The following PAPLN variants were observed in gnomAD, a reference collection of about 807,000 sequenced individuals.
PAPLN encodes papilin.
In PAPLN, 146 loss-of-function variants were observed where a neutral mutation model predicts 159.0. The observed-to-expected ratio is 0.92, with a 90% CI of 0.80 to 1.05. The LOEUF (loss-of-function observed/expected upper bound fraction) is 1.05. Among genes scored for constraint, PAPLN ranks in the 50% least tolerant of loss-of-function variants. PAPLN has a pLI of 0.00. For synonymous variants in PAPLN, 734 were observed against 702.9 expected (o/e 1.04, Z -0.70); for missense variants, 1,720 against 1,743.9 (o/e 0.99, Z 0.24).
rs17126331 is a variant in PAPLN, at chr14:73,252,747, A to G, written c.1066A>G (p.Asn356Asp). 6.2e-7 allele frequency: 1 copy of G among 1,613,510 alleles called. No homozygotes were observed. The highest frequency in any genetic ancestry group is 1.7e-4 in the Middle Eastern group (1 of 6,060). Residue 356 changes from asparagine (N) to aspartate (D), a missense_variant, in exon 11 of 27, where the codon AAT (asparagine) becomes GAT (aspartate). Asn to Asp is a conservative substitution (Grantham distance 23, BLOSUM62 1). Transcript: ENST00000644200. ...QPRPADRRSC[N>D]LHPCPETKRW... Reference sequence around the variant, plus strand: ...ACGGCCAGCTGACCGGCGTTCCTGCAATCTTCACCCTTGCCCGGAGACCAA... The same window carrying G: ...ACGGCCAGCTGACCGGCGTTCCTGCGATCTTCACCCTTGCCCGGAGACCAA...
In PAPLN at chr14:73,252,765, G is replaced by A. The variant is rs760268415; in HGVS notation, c.1084G>A (p.Glu362Lys). 1 of 1,613,436 alleles carries A rather than the reference G, an allele frequency of 6.2e-7. No homozygotes were observed. Among genetic ancestry groups the A allele is most frequent in the Non-Finnish European group, 8.5e-7 (1 of 1,179,998 alleles). ...TTCCTGCAATCTTCACCCTTGCCCGGAGACCAAGCGGTGAGACCTTGCCAG... is the reference window on the plus strand; with the variant it reads ...TTCCTGCAATCTTCACCCTTGCCCGAAGACCAAGCGGTGAGACCTTGCCAG... ...RRSCNLHPCP[E>K]TKRWKAGPWA... is the part of the protein sequence containing the mutation. The change falls in exon 11 of 27, where the codon GAG becomes AAG. Residue 362 changes from glutamate (E) to lysine (K), a missense_variant. Coordinates refer to ENST00000644200, the MANE Select transcript of PAPLN (RefSeq NM_001365906.3).
intron 26 of PAPLN, among the ~76,000 whole-genome samples, chr14:73,270,679 C>T (rs1038070249): frequency 6.6e-6 from 1 of 152,170 alleles, no homozygotes; most frequent in Non-Finnish European, 1.5e-5. Flanking sequence ...ATTATGTTTG[C>T]GATTAGCTCC....
At chr14:73,268,522 C>T in intron 25 of PAPLN, 35 bp from the exon 26 acceptor site, 1 of 1,592,822 alleles carries the variant, frequency 6.3e-7, no homozygotes, top group Non-Finnish European at 8.6e-7. Flanking sequence ...CTCCAGAGGC[C>T]CTTGATGGCT....
intron 20 of PAPLN, 55 bp downstream of exon 20, chr14:73,263,837 C>A: frequency 6.6e-7 from 1 of 1,515,772 alleles, no homozygotes; most frequent in Non-Finnish European, 8.9e-7. Context: ...CCCTACCTTC[C>A]CTGACAGGTG....
intron 11 of PAPLN, chr14:73,253,298 G>T: frequency 7.7e-7 from 1 of 1,291,004 alleles, no homozygotes; most frequent in Non-Finnish European, 1.0e-6. Flanking sequence ...GTGGCAGCGG[G>T]CCTCCTGGGA....
chr14:73,263,763 C>T lies in PAPLN; in HGVS notation c.2842C>T (p.Gln948Ter), dbSNP rs1405151646. The T allele has an allele frequency of 1.2e-6, 2 of 1,604,920 alleles. No individual in the cohort carries two copies. Among genetic ancestry groups the T allele is most frequent in the Non-Finnish European group, 1.7e-6 (2 of 1,179,786 alleles). The change falls in exon 20 of 27, where the codon CAG becomes TAG. Residue 948 changes from glutamine (Q) to a stop codon, truncating the protein, a stop_gained. Transcript: ENST00000644200. LOFTEE classifies it high-confidence loss of function. ...CCAGGCTGCCTGGCAGAAAGATGGCCAGCCCATCTCCTCTGACAGGTGGGT... is the reference window on the plus strand; with the variant it reads ...CCAGGCTGCCTGGCAGAAAGATGGCTAGCCCATCTCCTCTGACAGGTGGGT... ...ESQAAWQKDG[Q>*]PISSDRHRLQ... is the part of the protein sequence containing the mutation.
Position 73,253,758 on chromosome 14 carries a change from A to C in PAPLN, c.1099A>C (p.Lys367Gln). The change falls in exon 12 of 27, where the codon AAG (lysine) becomes CAG (glutamine). Residue 367 changes from lysine to glutamine, a missense_variant. Coordinates refer to ENST00000644200, the MANE Select transcript of PAPLN (RefSeq NM_001365906.3). The part of the protein sequence containing the change: ...LHPCPETKRW[K>Q]AGPWAPCSAS... ...CCTGATTCCCCCTCCTGCCAGCTGG[A>C]AGGCAGGGCCATGGGCACCCTGCTC... 3.1e-6 allele frequency: 5 copies of C among 1,591,438 alleles called. No homozygotes were observed. The highest frequency in any genetic ancestry group is 4.3e-6 in the Non-Finnish European group (5 of 1,164,130).
At chr14:73,260,930 G>A (rs1159669208) in intron 17 of PAPLN, 101 bp downstream of exon 17, 47 of 1,454,488 alleles carry the variant, frequency 3.2e-5, no homozygotes, top group Non-Finnish European at 4.2e-5. Context: ...TCGGAGAAAG[G>A]AGGTCCCTGC....
chr14:73,246,277 T>C (rs899792752), intron 5 of PAPLN, 102 bp downstream of exon 5: 8 of 983,160 alleles, frequency 8.1e-6, no homozygotes, highest in Non-Finnish European at 1.1e-5. Context: ...TATATATATA[T>C]ATTAGAGACA....
Position 73,259,076 on chromosome 14 carries a change from G to A in PAPLN, c.1708+17G>A, listed in dbSNP as rs2293798. ...CTGCCTCAGGTGAGAGCCTGGTCCC[G>A]TCCCCCACTCAGAGCCCTGTAGTTT... is the stretch of plus-strand genomic sequence containing the variant. On this transcript the variant is annotated intron_variant, in intron 15 of 26. Transcript: ENST00000644200. 0.014 allele frequency: 22,442 copies of A among 1,601,500 alleles called. 839 individuals carry two copies. Among genetic ancestry groups the A allele is most frequent in the African/African-American group, 0.11 (8,517 of 74,510 alleles).
At chr14:73,256,135 T>A (rs1445530806) in intron 14 of PAPLN, among the ~76,000 whole-genome samples, 2 of 151,710 alleles carry the variant, frequency 1.3e-5, no homozygotes, top group African/African-American at 2.4e-5. Flanking sequence ...CTCCCAGGGG[T>A]CCAGCTCTCC....
At chr14:73,266,463 C>T (rs995605015) in intron 23 of PAPLN, 38 bp from the exon 24 acceptor site, 15 of 1,609,434 alleles carry the variant, frequency 9.3e-6, no homozygotes, top group Non-Finnish European at 1.2e-5. Context: ...AGGGGAGGCT[C>T]CTTGGGCTGG....
At chr14:73,271,733 C>T (rs1292860894) in intron 26 of PAPLN, among the ~76,000 whole-genome samples, 1 of 152,170 alleles carries the variant, frequency 6.6e-6, no homozygotes, top group Non-Finnish European at 1.5e-5. Context: ...AACTCCTGAC[C>T]TCGTGATCCG....
At chr14:73,253,350 T>C (rs1320898121) in intron 11 of PAPLN, 2 of 914,176 alleles carry the variant, frequency 2.2e-6, no homozygotes, top group Non-Finnish European at 3.1e-6. Context: ...AGGGCTGCTC[T>C]TTCCTCTGGG....
At position 73,252,692 on chromosome 14, in the gene PAPLN, C is replaced by T. The variant is rs771206044; in HGVS notation, c.1011C>T (p.Ala337=). ...RLVFCTIDHE[A]YPDHMCQRQP... ...TGTTCTGCACCATCGACCATGAGGC[C>T]TACCCCGACCACATGTGCCAGCGCC... The change falls in exon 11 of 27, where the codon GCC becomes GCT. Residue 337 remains alanine, a synonymous_variant. Transcript: ENST00000644200. 6.2e-7 allele frequency: 1 copy of T among 1,613,436 alleles called. No individual in the cohort carries two copies. Among genetic ancestry groups the T allele is most frequent in the Non-Finnish European group, 8.5e-7 (1 of 1,180,000 alleles).
chr14:73,272,568 C>G lies in PAPLN; in HGVS notation c.3741C>G (p.Ile1247Met). 1.2e-6 allele frequency: 2 copies of G among 1,603,302 alleles called. No individual in the cohort carries two copies. Among genetic ancestry groups the G allele is most frequent in the South Asian group, 2.2e-5 (2 of 90,730 alleles). The stretch of plus-strand genomic sequence containing the variant: ...CAGAGCTGGCCAACTGTGATTTGAT[C>G]CTGCAGGCCCAGCTTTGTGGCAATG... Reference protein sequence around the residue: ...DQPELANCDLILQAQLCGNEY... With the variant: ...DQPELANCDLMLQAQLCGNEY... Residue 1247 changes from isoleucine to methionine, a missense_variant, in exon 27 of 27, where the codon ATC becomes ATG. Coordinates refer to ENST00000644200, the MANE Select transcript of PAPLN (RefSeq NM_001365906.3).
intron 20 of PAPLN, 161 bp from the exon 21 acceptor site, chr14:73,264,050 T>A: frequency 6.6e-7 from 1 of 1,525,480 alleles, no homozygotes; most frequent in South Asian, 1.2e-5. Context: ...GACAGGTGTG[T>A]GTGACAGCCT....
rs764317939 is a variant in PAPLN, at chr14:73,262,551, C to T, written c.2447C>T (p.Pro816Leu). 6.4e-7 allele frequency: 1 copy of T among 1,567,526 alleles called. No homozygotes were observed. Among genetic ancestry groups the T allele is most frequent in the South Asian group, 1.2e-5 (1 of 86,048 alleles). The stretch of plus-strand genomic sequence containing the variant: ...CTCCATGGGCCCCGTCGTCCCCAGC[C>T]TGGGGCTTCTGGAAGGAGCACCCAC... Reference protein sequence around the residue: ...GSLHGPRRPQPGASGRSTHTD... With the variant: ...GSLHGPRRPQLGASGRSTHTD... Residue 816 changes from proline to leucine, a missense_variant, in exon 19 of 27, where the codon CCT (proline) becomes CTT (leucine). Physicochemically the swap from Pro to Leu is moderately conservative, Grantham distance 98. Transcript: ENST00000644200.
rs373480616 is a variant in PAPLN, at chr14:73,251,036, G to C, written c.589+6G>C. On this transcript the variant is annotated splice_donor_region_variant and intron_variant, in intron 7 of 26. Transcript: ENST00000644200. The stretch of plus-strand genomic sequence containing the variant: ...CGCTAATGACCTCAGCCGAGGTGGG[G>C]GTGGTTCCGACAAGGGGCAGTTGCC... 1.2e-6 allele frequency: 2 copies of C among 1,608,166 alleles called. No individual in the cohort carries two copies. Among genetic ancestry groups the C allele is most frequent in the Non-Finnish European group, 1.7e-6 (2 of 1,177,378 alleles).
Sources: gnomAD v4.1 joint callset for allele counts (sites outside exome capture counted in the v4.1 genomes callset) on GRCh38, gnomAD v4.1.1 for gene constraint, MANE v1.5 for transcripts, NCBI Gene and HGNC (gene_info 2026-07-23, HGNC 2026-07-21) for gene names.